The following NKAIN2 variants were observed in gnomAD, a reference collection of about 807,000 sequenced individuals.
The protein encoded by NKAIN2 is sodium/potassium-transporting ATPase subunit beta-1-interacting protein 2.
In NKAIN2, 14 loss-of-function variants were observed where a neutral mutation model predicts 32.6. The ratio of observed to expected loss-of-function variants is 0.43; its 90% CI spans 0.28 to 0.67. The LOEUF is 0.67. Ranked by LOEUF, NKAIN2 falls within the 30% of genes least tolerant of loss-of-function variation. NKAIN2 has a pLI of 0.17. For synonymous variants in NKAIN2, 80 were observed against 87.2 expected, an observed-to-expected ratio of 0.92 and a Z score of 0.46; for missense variants, 198 against 258.3, an observed-to-expected ratio of 0.77 and a Z score of 1.60.
intron 1 of NKAIN2, among the ~76,000 whole-genome samples, chr6:124,203,358 T>C (rs1258110989): frequency 6.6e-6 from 1 of 151,884 alleles, no homozygotes; most frequent in Non-Finnish European, 1.5e-5. Context: ...GTATTAAAAC[T>C]ATGGGTATTT....
intron 3 of NKAIN2, among the ~76,000 whole-genome samples, chr6:124,607,555 G>T (rs544865168): frequency 6.6e-6 from 1 of 152,180 alleles, no homozygotes; most frequent in South Asian, 2.1e-4. Context: ...TCAAAATATA[G>T]AGATAGTCTC....
At chr6:124,001,638 G>A (rs1312597628) in intron 1 of NKAIN2, among the ~76,000 whole-genome samples, 1 of 151,702 alleles carries the variant, frequency 6.6e-6, no homozygotes, top group African/African-American at 2.4e-5. Flanking sequence ...CTATTAGGAA[G>A]TGAAAGAAAA....
At chr6:123,908,462 G>A (rs1300093901) in intron 1 of NKAIN2, among the ~76,000 whole-genome samples, 2 of 152,062 alleles carry the variant, frequency 1.3e-5, no homozygotes, top group Admixed American at 6.6e-5. Context: ...TTTTCAAATC[G>A]AATAGATTGC....
intron 3 of NKAIN2, among the ~76,000 whole-genome samples, chr6:124,358,316 A>G (rs574673359): frequency 1.3e-5 from 2 of 151,990 alleles, no homozygotes; most frequent in Non-Finnish European, 1.5e-5. Flanking sequence ...GGGTCAAATG[A>G]TATTTCTAGT....
intron 1 of NKAIN2, among the ~76,000 whole-genome samples, chr6:123,943,598 G>A (rs567454547): frequency 6.6e-6 from 1 of 152,150 alleles, no homozygotes; most frequent in African/African-American, 2.4e-5. Flanking sequence ...ATGTCAATGG[G>A]TTGTTGGAAA....
At chr6:124,326,558 G>A (rs998959605) in intron 2 of NKAIN2, among the ~76,000 whole-genome samples, 1 of 152,014 alleles carries the variant, frequency 6.6e-6, no homozygotes, top group Admixed American at 6.5e-5. Context: ...TGCAGTTACA[G>A]GACTTTGCCA....
At chr6:124,254,353 G>A (rs957431644) in intron 1 of NKAIN2, among the ~76,000 whole-genome samples, 43 of 152,184 alleles carry the variant, frequency 2.8e-4, no homozygotes, top group African/African-American at 9.9e-4. Flanking sequence ...ATCCCTATGA[G>A]AGCAACATCT....
intron 1 of NKAIN2, among the ~76,000 whole-genome samples, chr6:124,184,184 A>G (rs767893138): frequency 2.6e-5 from 4 of 152,100 alleles, no homozygotes; most frequent in Non-Finnish European, 4.4e-5. Flanking sequence ...GATATGCCAA[A>G]CATTCTGGTC....
chr6:124,770,101 A>C (rs1778682674), intron 4 of NKAIN2, among the ~76,000 whole-genome samples: 1 of 152,226 alleles, frequency 6.6e-6, no homozygotes, highest in Admixed American at 6.5e-5. Context: ...GGTTAGAGAA[A>C]ATAGAGTACA....
At position 124,287,961 on chromosome 6, in the gene NKAIN2, CT is replaced by C. The variant is rs776385939; in HGVS notation, c.192+4820del. Among the ~76,000 whole-genome samples, 375 of 90,974 alleles carry C rather than the reference CT, an allele frequency of 4.1e-3. 1 individual carries two copies. Among genetic ancestry groups the C allele is most frequent in the African/African-American group, 6.0e-3 (47 of 7,880 alleles). 59.7% of individuals were successfully genotyped at this position (90,974 alleles called of 152,430 possible). On this transcript the variant is annotated intron_variant, in intron 2 of 6. Coordinates refer to ENST00000368417, the MANE Select transcript of NKAIN2 (RefSeq NM_001040214.3). Reference sequence around the variant, plus strand: ...CCAAAAATAAATTATTTCTCCCCCCCTCTCCCTTTCTTCCTTCCTTCTTTCC... The same window carrying C: ...CCAAAAATAAATTATTTCTCCCCCCCCTCCCTTTCTTCCTTCCTTCTTTCC...
intron 3 of NKAIN2, among the ~76,000 whole-genome samples, chr6:124,600,436 A>G (rs905717664): frequency 1.3e-5 from 2 of 152,106 alleles, no homozygotes; most frequent in East Asian, 3.9e-4. Context: ...ATATCGTATG[A>G]AACATTTTAT....
chr6:123,993,829 A>C (rs906617882), intron 1 of NKAIN2, among the ~76,000 whole-genome samples: 2 of 152,208 alleles, frequency 1.3e-5, no homozygotes, highest in African/African-American at 4.8e-5. Flanking sequence ...AGTAGCTTTT[A>C]TGATATTTCT....
At chr6:123,910,499 G>GTGTT (rs1491095246) in intron 1 of NKAIN2, among the ~76,000 whole-genome samples, 31 of 81,318 alleles carry the variant, frequency 3.8e-4, no homozygotes, top group African/African-American at 1.5e-3. Context: ...TGCAATGCAT[G>GTGTT]TTTTTTTTTT....
intron 1 of NKAIN2, chr6:123,828,785 A>G (rs1774253616): frequency 6.6e-6 from 1 of 152,202 alleles, no homozygotes; most frequent in South Asian, 2.1e-4. Context: ...ACCCTCAACC[A>G]GGGATTTTCT....
chr6:124,534,789 C>G (rs1245459685), intron 3 of NKAIN2, among the ~76,000 whole-genome samples: 4 of 152,142 alleles, frequency 2.6e-5, no homozygotes, highest in African/African-American at 9.7e-5. Flanking sequence ...TCTCTCAACA[C>G]TTATGCACTT....
intron 4 of NKAIN2, among the ~76,000 whole-genome samples, chr6:124,662,150 G>A (rs1410477847): frequency 6.6e-6 from 1 of 152,176 alleles, no homozygotes; most frequent in Non-Finnish European, 1.5e-5. Context: ...AGCAGCAAAG[G>A]ATGCCATGAT....
chr6:124,600,942 A>C (rs949756730), intron 3 of NKAIN2, among the ~76,000 whole-genome samples: 1 of 152,068 alleles, frequency 6.6e-6, no homozygotes. Context: ...AAAAGATCCC[A>C]AATGCCATTA....
chr6:124,490,947 C>T (rs868087817), intron 3 of NKAIN2, among the ~76,000 whole-genome samples: 2 of 151,780 alleles, frequency 1.3e-5, no homozygotes, highest in Admixed American at 1.3e-4. Context: ...AGAAACAACT[C>T]ATTTATTTTA....
rs1012490266 is a variant in NKAIN2 at position 123,959,083 on chromosome 6, A to T, written c.54+154829A>T. Among the ~76,000 whole-genome samples, 3 of 152,174 alleles carry T rather than the reference A, an allele frequency of 2.0e-5. No homozygotes were observed. In the South Asian group the frequency reaches 6.2e-4, roughly 32 times the overall value. Reference sequence around the variant, plus strand: ...GGACCGGGAGAAGATGACAGAGGAAAGAGAGTTTGTGAGAGGGGTTTATAT... The same window carrying T: ...GGACCGGGAGAAGATGACAGAGGAATGAGAGTTTGTGAGAGGGGTTTATAT... On this transcript the variant is annotated intron_variant, in intron 1 of 6. Transcript: ENST00000368417.
Sources: allele counts gnomAD v4.1 joint callset (sites outside exome capture counted in the v4.1 genomes callset), GRCh38; gene constraint gnomAD v4.1.1; transcripts MANE v1.5; gene names NCBI Gene and HGNC (gene_info 2026-07-23, HGNC 2026-07-21).